EPS15: variants seen among roughly 807,000 people sequenced by gnomAD.
EPS15 encodes the protein epidermal growth factor receptor pathway substrate 15.
Under a neutral mutation model 113.8 loss-of-function variants are expected in EPS15, and 72 were observed. The ratio of observed to expected loss-of-function variants is 0.63; its 90% confidence interval spans 0.52 to 0.77. The LOEUF is 0.77. Among genes scored for constraint, EPS15 ranks in the 30% least tolerant of loss-of-function variants. The pLI is 0.00. For missense variants in EPS15, 1,048 were observed against 1,045.8 expected (o/e 1.00, Z -0.03); for synonymous variants, 344 against 363.4 (o/e 0.95, Z 0.61).
At chr1:51,475,987 C>T (rs915555775) in intron 2 of EPS15, among the ~76,000 whole-genome samples, 1 of 152,066 alleles carries the variant, frequency 6.6e-6, no homozygotes, top group Admixed American at 6.6e-5. Flanking sequence ...GATCAGATGA[C>T]TGTAGATGTG....
chr1:51,407,929 A>G (rs997049310), intron 15 of EPS15, among the ~76,000 whole-genome samples: 2 of 152,162 alleles, frequency 1.3e-5, no homozygotes, highest in Non-Finnish European at 1.5e-5. Flanking sequence ...CTTAATCACT[A>G]CTCCAATGAT....
At chr1:51,368,598 CTTTTT>C (rs1228266658) in intron 21 of EPS15, among the ~76,000 whole-genome samples, 1 of 139,666 alleles carries the variant, frequency 7.2e-6, no homozygotes, top group African/African-American at 2.6e-5. Context: ...TTTTTTGTTT[CTTTTT>C]TTTTTTTTTT....
intron 8 of EPS15, among the ~76,000 whole-genome samples, chr1:51,455,860 C>A (rs975847574): frequency 6.6e-6 from 1 of 151,768 alleles, no homozygotes. Flanking sequence ...ATACATTCCA[C>A]GTACACAAAA....
Position 51,498,156 on chromosome 1 carries a change from TGACC to T in EPS15, c.34-16846_34-16843del, listed in dbSNP as rs1158649540. On this transcript the variant is annotated intron_variant, in intron 1 of 24. Transcript: ENST00000371733. ...GCTTTTATCCTCAAAAAATTCTGCC[TGACC>T]ATTGATAAATTCACTTATCCAACTC... Among the ~76,000 whole-genome samples, 3 of 152,296 alleles carry T rather than the reference TGACC, an allele frequency of 2.0e-5. No homozygotes were observed. In the East Asian group the frequency reaches 5.8e-4, roughly 29 times the overall value.
intron 2 of EPS15, among the ~76,000 whole-genome samples, chr1:51,474,710 C>G (rs958541986): frequency 6.6e-6 from 1 of 151,684 alleles, no homozygotes; most frequent in South Asian, 2.1e-4. Flanking sequence ...ACTTTAAGTT[C>G]TAGGGTACAT....
At chr1:51,495,995 T>C (rs1003118297) in intron 1 of EPS15, among the ~76,000 whole-genome samples, 1 of 152,232 alleles carries the variant, frequency 6.6e-6, no homozygotes, top group Non-Finnish European at 1.5e-5. Flanking sequence ...CAAGTTAAAC[T>C]GTAAAGTATG....
chr1:51,422,026 AT>A (rs1278742993), intron 12 of EPS15, 168 bp from the exon 13 acceptor site: 1 of 1,309,878 alleles, frequency 7.6e-7, no homozygotes, highest in Non-Finnish European at 9.8e-7. Context: ...TGAAATAAAA[AT>A]CAATATAAGC....
intron 15 of EPS15, among the ~76,000 whole-genome samples, chr1:51,407,289 C>T (rs1309089349): frequency 6.6e-6 from 1 of 152,118 alleles, no homozygotes; most frequent in Non-Finnish European, 1.5e-5. Flanking sequence ...CCTCTGCCTC[C>T]CAGGCTCAAG....
intron 1 of EPS15, among the ~76,000 whole-genome samples, chr1:51,508,314 G>GAAAGAGAGAA (rs1384698089): frequency 2.0e-3 from 237 of 117,764 alleles, no homozygotes; most frequent in Middle Eastern, 3.9e-3. Context: ...AAGAGAGAAA[G>GAAAGAGAGAA]AGAGAAAGAG....
intron 17 of EPS15, 136 bp downstream of exon 17, chr1:51,403,283 G>A: frequency 4.4e-6 from 2 of 450,134 alleles, no homozygotes; most frequent in South Asian, 5.9e-5. Flanking sequence ...ATTGCCTAAA[G>A]GTGAAGTCGG....
chr1:51,492,776 G>A (rs149289090), intron 1 of EPS15, among the ~76,000 whole-genome samples: 20 of 152,174 alleles, frequency 1.3e-4, no homozygotes, highest in African/African-American at 3.9e-4. Context: ...ACTAATATAC[G>A]AATTTATAAA....
intron 2 of EPS15, among the ~76,000 whole-genome samples, chr1:51,475,665 T>C (rs114297342): frequency 0.3 from 45,511 of 152,072 alleles, 9,148 homozygotes; most frequent in African/African-American, 0.57. Context: ...TTTTGCTGTG[T>C]GGAAGCTCTC....
chr1:51,363,962 T>G lies in EPS15; in HGVS notation c.2263A>C (p.Asn755His), dbSNP rs756528517. Residue 755 changes from asparagine (N) to histidine (H), a missense_variant, in exon 23 of 25, where the codon AAT becomes CAT. Coordinates refer to ENST00000371733, the MANE Select transcript of EPS15 (RefSeq NM_001981.3). ...TTGACCGATGTTTCCTCAAATACATTTTTTGTAATCACTACGTTGCTGACA... is the reference window on the plus strand; with the variant it reads ...TTGACCGATGTTTCCTCAAATACATGTTTTGTAATCACTACGTTGCTGACA... ...SSVSNVVITK[N>H]VFEETSVKSE... 1.2e-6 allele frequency: 2 copies of G among 1,613,896 alleles called. No homozygotes were observed. Among genetic ancestry groups the G allele is most frequent in the Non-Finnish European group, 1.7e-6 (2 of 1,179,884 alleles).
At chr1:51,476,190 AT>A (rs1401895423) in intron 2 of EPS15, among the ~76,000 whole-genome samples, 1 of 151,968 alleles carries the variant, frequency 6.6e-6, no homozygotes, top group African/African-American at 2.4e-5. Flanking sequence ...ATGTGGAACC[AT>A]TTTTGGTTCC....
Position 51,394,345 on chromosome 1 carries a change from T to A in EPS15, c.2119+36A>T, listed in dbSNP as rs1488514906. 3 of 1,365,250 alleles carry A rather than the reference T, an allele frequency of 2.2e-6. 1 individual carries two copies. The Admixed American group carries it at 5.9e-5, about 27-fold the overall frequency. The allele number at this position is 1,365,250 out of a possible 1,614,324, so 84.6% of individuals were successfully genotyped here. On this transcript the variant is annotated intron_variant, in intron 21 of 24. Coordinates refer to ENST00000371733, the MANE Select transcript of EPS15 (RefSeq NM_001981.3). Reference sequence around the variant, plus strand: ...GAAAAAAGAATCTTAAAAAAAATGTTTAATGTTCAATGAAGTTGATAAATT... The same window carrying A: ...GAAAAAAGAATCTTAAAAAAAATGTATAATGTTCAATGAAGTTGATAAATT...
intron 5 of EPS15, among the ~76,000 whole-genome samples, chr1:51,466,499 T>C (rs1654853027): frequency 1.3e-5 from 2 of 151,642 alleles, no homozygotes; most frequent in Non-Finnish European, 2.9e-5. Context: ...GGTGGGTGCC[T>C]GTAATCCCAG....
chr1:51,492,258 T>C (rs1400084498), intron 1 of EPS15, among the ~76,000 whole-genome samples: 1 of 152,182 alleles, frequency 6.6e-6, no homozygotes, highest in Non-Finnish European at 1.5e-5. Flanking sequence ...TTCAAGGGCT[T>C]AAATTCTAGT....
chr1:51,435,130 T>C (rs1019047278), intron 12 of EPS15, among the ~76,000 whole-genome samples: 1 of 152,076 alleles, frequency 6.6e-6, no homozygotes, highest in Non-Finnish European at 1.5e-5. Context: ...CCACTAACCT[T>C]AATGTTCCTG....
intron 12 of EPS15, among the ~76,000 whole-genome samples, chr1:51,439,224 C>G (rs767218684): frequency 1.3e-5 from 2 of 152,052 alleles, no homozygotes; most frequent in Non-Finnish European, 2.9e-5. Flanking sequence ...TTTAAGCCAG[C>G]CCTACCTCTG....
Sources: allele counts gnomAD v4.1 joint callset (sites outside exome capture counted in the v4.1 genomes callset), GRCh38; gene constraint gnomAD v4.1.1; transcripts MANE v1.5; gene names NCBI Gene and HGNC (gene_info 2026-07-23, HGNC 2026-07-21).